RIMS2: variants seen among roughly 807,000 people sequenced by gnomAD.
RIMS2 encodes the protein regulating synaptic membrane exocytosis protein 2.
A neutral mutation model predicts 174.4 loss-of-function variants in RIMS2; 59 were observed. The observed-to-expected ratio is 0.34, with a 90% CI of 0.27 to 0.42. The LOEUF (loss-of-function observed/expected upper bound fraction) is 0.42. Among genes scored for constraint, RIMS2 ranks in the 10% least tolerant of loss-of-function variants. RIMS2 has a pLI of 1.00. For missense variants in RIMS2, 1,620 were observed against 1,666.3 expected (o/e 0.97, Z 0.48); for synonymous variants, 606 against 572.5 (o/e 1.06, Z -0.84).
chr8:103,828,758 G>A (rs1467123462), intron 3 of RIMS2, among the ~76,000 whole-genome samples: 1 of 151,918 alleles, frequency 6.6e-6, no homozygotes, highest in Non-Finnish European at 1.5e-5. Context: ...GAAAGGAAGG[G>A]GTCCAGATTC....
chr8:103,872,873 G>C (rs2099119083), intron 3 of RIMS2, among the ~76,000 whole-genome samples: 3 of 152,094 alleles, frequency 2.0e-5, no homozygotes, highest in Admixed American at 2.0e-4. Flanking sequence ...AATAAAATTT[G>C]GATTCTATTT....
chr8:104,210,119 A>G (rs1318469099), intron 19 of RIMS2, among the ~76,000 whole-genome samples: 1 of 152,202 alleles, frequency 6.6e-6, no homozygotes, highest in Non-Finnish European at 1.5e-5. Context: ...AATTTTTTGT[A>G]TACGTAGAAA....
intron 1 of RIMS2, among the ~76,000 whole-genome samples, chr8:103,522,515 A>G (rs1832211387): frequency 6.6e-6 from 1 of 152,120 alleles, no homozygotes; most frequent in Non-Finnish European, 1.5e-5. Flanking sequence ...TTTGATAACA[A>G]TGAAGCCTGG....
chr8:104,179,723 T>C (rs974665890), intron 19 of RIMS2, among the ~76,000 whole-genome samples: 6 of 151,978 alleles, frequency 3.9e-5, no homozygotes, highest in East Asian at 1.9e-4. Context: ...GTTTTTTTTT[T>C]CCAGGAAAAC....
intron 2 of RIMS2, among the ~76,000 whole-genome samples, chr8:103,730,145 G>T (rs2097573440): frequency 6.6e-6 from 1 of 152,196 alleles, no homozygotes; most frequent in Non-Finnish European, 1.5e-5. Context: ...TGAGAGTGAG[G>T]TGTTGAAGTC....
At position 103,622,061 on chromosome 8, in the gene RIMS2, A is replaced by G. The variant is rs149450782; in HGVS notation, c.177-75025A>G. 4.2e-3 allele frequency among the ~76,000 whole-genome samples: 640 copies of G among 152,284 alleles called. 4 individuals are homozygous for G. Among genetic ancestry groups the G allele is most frequent in the African/African-American group, 0.015 (610 of 41,564 alleles). ...TTAAAATTATCATTAATTTCTAGAG[A>G]TTTGTAGAGAAAAATACATTTCTAA... On this transcript the variant is annotated intron_variant, in intron 1 of 23. Transcript: ENST00000504942.
intron 2 of RIMS2, among the ~76,000 whole-genome samples, chr8:103,711,755 G>C (rs2097306296): frequency 6.6e-6 from 1 of 152,006 alleles, no homozygotes; most frequent in Admixed American, 6.6e-5. Context: ...AAATTAGCTA[G>C]GCGTGGTGGT....
chr8:103,868,111 G>A (rs1290186690), intron 3 of RIMS2, among the ~76,000 whole-genome samples: 2 of 151,950 alleles, frequency 1.3e-5, no homozygotes, highest in African/African-American at 4.8e-5. Flanking sequence ...TTCAACAGCT[G>A]GGATCACAGA....
chr8:103,742,719 T>A (rs771162577), intron 2 of RIMS2, among the ~76,000 whole-genome samples: 7 of 152,152 alleles, frequency 4.6e-5, no homozygotes, highest in Non-Finnish European at 7.4e-5. Context: ...TTGAATGTTT[T>A]GTGAATAAAT....
intron 15 of RIMS2, among the ~76,000 whole-genome samples, chr8:103,964,189 C>G (rs962893733): frequency 4.6e-5 from 7 of 152,196 alleles, no homozygotes; most frequent in African/African-American, 1.7e-4. Context: ...CAAACGCCAA[C>G]CAGCACAATT....
chr8:104,146,736 T>G (rs2098643275), intron 19 of RIMS2, among the ~76,000 whole-genome samples: 1 of 152,216 alleles, frequency 6.6e-6, no homozygotes. Flanking sequence ...GATCTAACTC[T>G]GTCATCAAAG....
intron 1 of RIMS2, among the ~76,000 whole-genome samples, chr8:103,590,829 A>G (rs1272341175): frequency 2.0e-5 from 3 of 151,164 alleles, no homozygotes; most frequent in Non-Finnish European, 3.0e-5. Flanking sequence ...ATAAATTTTT[A>G]GGATATTTCC....
chr8:104,130,920 G>A (rs2098468848), intron 19 of RIMS2, among the ~76,000 whole-genome samples: 2 of 152,156 alleles, frequency 1.3e-5, no homozygotes, highest in Non-Finnish European at 2.9e-5. Context: ...ATATAGTGAT[G>A]TATTTCTAGA....
At chr8:103,975,550 T>C in intron 16 of RIMS2, 44 bp downstream of exon 18, 1 of 1,448,274 alleles carries the variant, frequency 6.9e-7, no homozygotes, top group Non-Finnish European at 9.7e-7. Flanking sequence ...GCTGTATTAG[T>C]CAGTGTTCTC....
intron 19 of RIMS2, among the ~76,000 whole-genome samples, chr8:104,100,449 C>T (rs1642563692): frequency 6.6e-6 from 1 of 151,980 alleles, no homozygotes; most frequent in African/African-American, 2.4e-5. Flanking sequence ...TTTCTTGCCT[C>T]ATGAATCTCC....
intron 19 of RIMS2, chr8:104,148,616 A>G: frequency 1.3e-6 from 2 of 1,597,744 alleles, no homozygotes; most frequent in South Asian, 2.2e-5. Context: ...GTGTCTTTAC[A>G]TCCAAAATGC....
At chr8:103,975,773 G>T in intron 16 of RIMS2, 1 of 251,820 alleles carries the variant, frequency 4.0e-6, no homozygotes, top group Non-Finnish European at 7.5e-6. Context: ...GTGGTCAAAG[G>T]CCTGAGAGCC....
intron 3 of RIMS2, among the ~76,000 whole-genome samples, chr8:103,845,966 C>T (rs1283541127): frequency 1.3e-5 from 2 of 152,046 alleles, no homozygotes; most frequent in South Asian, 2.1e-4. Flanking sequence ...TACTGGTGAC[C>T]TTAACTACAA....
intron 14 of RIMS2, among the ~76,000 whole-genome samples, chr8:103,944,719 T>A (rs1183791531): frequency 1.3e-5 from 2 of 152,058 alleles, no homozygotes; most frequent in Non-Finnish European, 2.9e-5. Flanking sequence ...TATTTAGTAA[T>A]AGTATTAAAC....
Sources: allele counts gnomAD v4.1 joint callset (sites outside exome capture counted in the v4.1 genomes callset), GRCh38; gene constraint gnomAD v4.1.1; transcripts MANE v1.5; gene names NCBI Gene and HGNC (gene_info 2026-07-23, HGNC 2026-07-21).